SRP68: variants seen among roughly 807,000 people sequenced by gnomAD.
SRP68 encodes signal recognition particle 68.
SRP68 carries 15 observed loss-of-function variants against 82.2 expected under a neutral mutation model. The observed-to-expected ratio is 0.18, with a 90% CI of 0.12 to 0.28. The LOEUF is 0.28. Among genes scored for constraint, SRP68 ranks in the 10% least tolerant of loss-of-function variants. SRP68 has a pLI of 1.00. For synonymous variants in SRP68, 261 were observed against 292.6 expected (o/e 0.89, Z 1.10); for missense variants, 595 against 780.5 (o/e 0.76, Z 2.83).
chr17:76,055,246 C>T (rs550065756), intron 8 of SRP68, among the ~76,000 whole-genome samples: 4 of 151,834 alleles, frequency 2.6e-5, no homozygotes, highest in Non-Finnish European at 5.9e-5. Flanking sequence ...GAATTACAGG[C>T]GTGAGCCACC....
chr17:76,050,017 A>G (rs1048930564), intron 9 of SRP68, among the ~76,000 whole-genome samples: 4 of 152,242 alleles, frequency 2.6e-5, no homozygotes, highest in Non-Finnish European at 5.9e-5. Flanking sequence ...TGAAGCAACA[A>G]TAGGCAAGAG....
intron 10 of SRP68, 54 bp from the exon 11 acceptor site, chr17:76,046,248 G>T: frequency 6.2e-7 from 1 of 1,602,576 alleles, no homozygotes. Context: ...GGAGGAACTG[G>T]GAGGACTGGA....
At chr17:76,044,300 C>T (rs935508081) in intron 12 of SRP68, among the ~76,000 whole-genome samples, 3 of 152,192 alleles carry the variant, frequency 2.0e-5, no homozygotes, top group African/African-American at 4.8e-5. Flanking sequence ...ATCCCAAACC[C>T]ATCCACACAC....
At chr17:76,040,588 T>A in intron 14 of SRP68, 114 bp from the exon 15 acceptor site, 1 of 1,028,788 alleles carries the variant, frequency 9.7e-7, no homozygotes, top group South Asian at 1.3e-5. Context: ...GGAGCCAGCA[T>A]GTGGGGAAGC....
At chr17:76,070,494 T>C in intron 1 of SRP68, 50 bp from the exon 2 acceptor site, 3 of 1,458,688 alleles carry the variant, frequency 2.1e-6, no homozygotes, top group Non-Finnish European at 2.9e-6. Flanking sequence ...TCCAAACAAA[T>C]CAAAACCTGT....
chr17:76,068,375 A>C lies in SRP68; in HGVS notation c.252-1045T>G, dbSNP rs1014418577. Among the ~76,000 whole-genome samples, 135 of 151,800 alleles carry C rather than the reference A, an allele frequency of 8.9e-4. 1 individual carries two copies. The highest frequency in any genetic ancestry group is 3.1e-3 in the African/African-American group (127 of 41,386). The stretch of plus-strand genomic sequence containing the variant: ...GGGAGGCTGAGGCAGAGAACTGCTT[A>C]AACCCGGGAGGTGGAGGTTGCAGTG... On this transcript the variant is annotated intron_variant, in intron 2 of 15. Coordinates refer to ENST00000307877, the MANE Select transcript of SRP68 (RefSeq NM_014230.4).
At chr17:76,070,524 G>GGTATA in intron 1 of SRP68, 80 bp from the exon 2 acceptor site, 1 of 1,193,280 alleles carries the variant, frequency 8.4e-7, no homozygotes, top group Non-Finnish European at 1.2e-6. Context: ...CTATATCTGT[G>GGTATA]TCAAACCACA....
chr17:76,060,810 C>T, intron 6 of SRP68: 1 of 368,184 alleles, frequency 2.7e-6, no homozygotes, highest in Non-Finnish European at 4.9e-6. Flanking sequence ...TTCTCTCAGC[C>T]TTGCTGTGAA....
chr17:76,046,078 C>G lies in SRP68; in HGVS notation c.1259G>C (p.Arg420Pro). The G allele has an allele frequency of 6.2e-7, 1 of 1,613,918 alleles. No homozygotes were observed. Among genetic ancestry groups the G allele is most frequent in the Non-Finnish European group, 8.5e-7 (1 of 1,179,868 alleles). The part of the protein sequence containing the change: ...QPEDDSKRSP[R>P]PQDLIRLYDI... Reference sequence around the variant, plus strand: ...ATAGAGTCGGATCAGGTCCTGGGGCCGGGGTGAGCGCTTGCTGTCATCCTC... The same window carrying G: ...ATAGAGTCGGATCAGGTCCTGGGGCGGGGGTGAGCGCTTGCTGTCATCCTC... The change falls in exon 11 of 16, where the codon CGG becomes CCG. Residue 420 changes from arginine to proline, a missense_variant. Transcript: ENST00000307877.
At chr17:76,046,311 A>ACAG in intron 10 of SRP68, 117 bp from the exon 11 acceptor site, 1 of 1,167,994 alleles carries the variant, frequency 8.6e-7, no homozygotes, top group Non-Finnish European at 1.2e-6. Flanking sequence ...GGGCGTGGCC[A>ACAG]CAGCAGGGCC....
chr17:76,040,000 G>C (rs1430618528), intron 15 of SRP68, 67 bp from the exon 16 acceptor site: 6 of 1,496,844 alleles, frequency 4.0e-6, no homozygotes, highest in Admixed American at 1.9e-5. Context: ...ACATTCCTGA[G>C]TGCCGACTGC....
chr17:76,067,418 A>G (rs2066815641), intron 2 of SRP68, 88 bp from the exon 3 acceptor site: 7 of 864,706 alleles, frequency 8.1e-6, no homozygotes, highest in Middle Eastern at 2.2e-4. Flanking sequence ...TCAAGGGTCA[A>G]TGGTTTGGGA....
intron 7 of SRP68, 96 bp downstream of exon 7, chr17:76,060,212 T>G (rs1184189235): frequency 5.8e-6 from 3 of 516,966 alleles, no homozygotes; most frequent in Non-Finnish European, 9.9e-6. Context: ...GATATAAATA[T>G]CCATATATTA....
chr17:76,066,322 C>T (rs189328572), intron 3 of SRP68, among the ~76,000 whole-genome samples: 22 of 151,956 alleles, frequency 1.4e-4, no homozygotes, highest in African/African-American at 4.8e-4. Context: ...CGTGGTGTCA[C>T]GTGCCTGTAA....
chr17:76,062,737 A>T (rs2066773294), intron 4 of SRP68, among the ~76,000 whole-genome samples: 1 of 21,708 alleles, frequency 4.6e-5, no homozygotes, highest in African/African-American at 3.6e-4. Context: ...TTTTATATAT[A>T]TATATATATA....
intron 2 of SRP68, among the ~76,000 whole-genome samples, chr17:76,069,255 G>A (rs1224029178): frequency 2.6e-5 from 4 of 151,376 alleles, no homozygotes; most frequent in Non-Finnish European, 1.5e-5. Context: ...AGGCATGGTG[G>A]TGCATGCCTG....
At chr17:76,053,123 GGT>G (rs980574707) in intron 8 of SRP68, among the ~76,000 whole-genome samples, 4 of 151,856 alleles carry the variant, frequency 2.6e-5, no homozygotes, top group Non-Finnish European at 5.9e-5. Flanking sequence ...AAATTAGCCA[GGT>G]GTGGTGGTGC....
chr17:76,067,842 A>T (rs1314452674), intron 2 of SRP68, among the ~76,000 whole-genome samples: 2 of 152,254 alleles, frequency 1.3e-5, no homozygotes, highest in African/African-American at 4.8e-5. Context: ...GATGGAGGAC[A>T]CAGTGCCCAT....
intron 15 of SRP68, among the ~76,000 whole-genome samples, chr17:76,040,143 C>T (rs932035299): frequency 6.6e-6 from 1 of 152,208 alleles, no homozygotes; most frequent in Non-Finnish European, 1.5e-5. Flanking sequence ...GAGTGGCAGG[C>T]TAGGACTGGG....
Sources: gnomAD v4.1 joint callset for allele counts (sites outside exome capture counted in the v4.1 genomes callset) on GRCh38, gnomAD v4.1.1 for gene constraint, MANE v1.5 for transcripts, NCBI Gene and HGNC (gene_info 2026-07-23, HGNC 2026-07-21) for gene names.